Variants in DNAH5 observed in about 807,000 individuals in gnomAD.
The protein encoded by DNAH5 is axonemal beta dynein heavy chain 5.
DNAH5 carries 372 observed loss-of-function variants against 518.2 expected under a neutral mutation model. The ratio of observed to expected loss-of-function variants is 0.72; its 90% confidence interval spans 0.66 to 0.78. The LOEUF is 0.78. Ranked by LOEUF, DNAH5 falls within the 30% of genes least tolerant of loss-of-function variation. The pLI, the probability that DNAH5 is intolerant of heterozygous loss-of-function variation, is 0.00. For synonymous variants in DNAH5, 2,039 were observed against 2,025.9 expected (o/e 1.01, Z -0.17); for missense variants, 5,523 against 5,687.0 (o/e 0.97, Z 0.93).
At chr5:13,712,262 A>G (rs116586528) in intron 75 of DNAH5, among the ~76,000 whole-genome samples, 4,657 of 152,282 alleles carry the variant, frequency 0.031, 219 homozygotes, top group African/African-American at 0.099. Flanking sequence ...TAATTGGCTA[A>G]CCACATGTAT....
chr5:13,971,832 C>A (rs1038898782), intron 1 of DNAH5, among the ~76,000 whole-genome samples: 2 of 152,108 alleles, frequency 1.3e-5, no homozygotes, highest in Non-Finnish European at 2.9e-5. Flanking sequence ...TCTAGGGTCA[C>A]CTGGATATGT....
At chr5:13,780,739 A>G (rs1754979238) in intron 53 of DNAH5, 90 bp downstream of exon 53, 1 of 1,398,010 alleles carries the variant, frequency 7.2e-7, no homozygotes, top group Non-Finnish European at 1.0e-6. Flanking sequence ...GACTCTTTAT[A>G]TGTAAGAGAA....
At chr5:13,870,228 T>C (rs968093999) in intron 24 of DNAH5, among the ~76,000 whole-genome samples, 2 of 152,098 alleles carry the variant, frequency 1.3e-5, no homozygotes, top group East Asian at 3.9e-4. Context: ...CCCATCCAGG[T>C]CCCGATTACC....
At chr5:13,775,712 G>C (rs1230939663) in intron 55 of DNAH5, among the ~76,000 whole-genome samples, 1 of 152,082 alleles carries the variant, frequency 6.6e-6, no homozygotes, top group Non-Finnish European at 1.5e-5. Flanking sequence ...AATGGTGAGG[G>C]CAGTAGAAGT....
At chr5:13,926,590 T>C (rs546804088) in intron 3 of DNAH5, among the ~76,000 whole-genome samples, 1 of 152,344 alleles carries the variant, frequency 6.6e-6, no homozygotes, top group East Asian at 1.9e-4. Context: ...TTTTGCTTTT[T>C]GAGTTAAGGT....
intron 1 of DNAH5, among the ~76,000 whole-genome samples, chr5:13,993,750 C>A (rs1432254548): frequency 6.6e-6 from 1 of 152,140 alleles, no homozygotes; most frequent in Non-Finnish European, 1.5e-5. Flanking sequence ...ACAGACGTGC[C>A]CCACGCAATG....
intron 75 of DNAH5, among the ~76,000 whole-genome samples, chr5:13,710,567 G>A (rs1218354521): frequency 2.0e-5 from 3 of 151,956 alleles, no homozygotes; most frequent in Non-Finnish European, 4.4e-5. Context: ...TCTTTGAAAA[G>A]AAACAAAAAG....
chr5:13,939,632 G>T lies in DNAH5; in HGVS notation c.57+4750C>A, dbSNP rs114960188. On this transcript the variant is annotated intron_variant, in intron 1 of 78. Transcript: ENST00000265104. ...TCTCTCAGAGAGAAGAGGCTGCTCT[G>T]TGATGCTTCCCAGCCCAGCCTAACC... 8.5e-3 allele frequency among the ~76,000 whole-genome samples: 1,298 copies of T among 152,186 alleles called. 19 individuals are homozygous for T. Among genetic ancestry groups the T allele is most frequent in the African/African-American group, 0.03 (1,252 of 41,522 alleles).
In DNAH5 at chr5:13,751,203, T is replaced by C. The variant is rs949456257; in HGVS notation, c.11086A>G (p.Thr3696Ala). The change falls in exon 65 of 79, where the codon ACC (threonine) becomes GCC (alanine). Residue 3696 changes from threonine (T) to alanine (A), a missense_variant. Physicochemically the swap from Thr to Ala is moderately conservative, Grantham distance 58. Around this residue, in one of 3 missense-constraint regions of DNAH5, gnomAD observed 5,121 missense variants for 5,223.3 expected, o/e 0.98. Transcript: ENST00000265104. ...VLDGFRLYITTKLPNPAYTPE... is the reference protein window; with the variant it reads ...VLDGFRLYITAKLPNPAYTPE... The stretch of plus-strand genomic sequence containing the variant: ...GTGTAGGCTGGGTTAGGCAATTTGG[T>C]GGTAATGTAGAGTCTAAAGCCATCC... The C allele has an allele frequency of 6.2e-7, 1 of 1,613,884 alleles. No individual in the cohort carries two copies. Among genetic ancestry groups the C allele is most frequent in the Non-Finnish European group, 8.5e-7 (1 of 1,179,908 alleles).
intron 1 of DNAH5, among the ~76,000 whole-genome samples, chr5:13,958,170 T>C (rs1044701267): frequency 6.6e-6 from 1 of 151,940 alleles, no homozygotes; most frequent in African/African-American, 2.4e-5. Flanking sequence ...ATAATGGATA[T>C]CCCTGCATAC....
intron 61 of DNAH5, among the ~76,000 whole-genome samples, chr5:13,755,548 G>T (rs1750882282): frequency 6.6e-6 from 1 of 152,172 alleles, no homozygotes; most frequent in Non-Finnish European, 1.5e-5. Context: ...TTTGTATAGA[G>T]ACATGAATTG....
chr5:14,000,871 T>C (rs970823661), intron 1 of DNAH5, among the ~76,000 whole-genome samples: 5 of 152,126 alleles, frequency 3.3e-5, no homozygotes, highest in African/African-American at 9.7e-5. Context: ...GGATTCACAA[T>C]AGCAAAGACA....
chr5:13,830,187 A>G lies in DNAH5; in HGVS notation c.6088T>C (p.Cys2030Arg), dbSNP rs1763453207. 6.2e-7 allele frequency: 1 copy of G among 1,614,128 alleles called. No individual in the cohort carries two copies. The highest frequency in any genetic ancestry group is 1.3e-5 in the African/African-American group (1 of 75,036). ...KGLAQSGSWG[C>R]FDEFNRIDLP... ...TCAATACGGTTAAATTCATCAAAAC[A>G]ACCCCAGGATCCAGACTGTGCCAGT... The change falls in exon 37 of 79, where the codon TGT becomes CGT. Residue 2030 changes from cysteine (C) to arginine (R), a missense_variant. Physicochemically the swap from Cys to Arg is radical, Grantham distance 180. This residue lies in a region of DNAH5 where 5,121 missense variants were observed against 5,223.3 expected (regional missense o/e 0.98). Coordinates refer to ENST00000265104, the MANE Select transcript of DNAH5 (RefSeq NM_001369.3).
At chr5:13,914,381 A>T in intron 10 of DNAH5, 139 bp downstream of exon 10, 2 of 1,090,046 alleles carry the variant, frequency 1.8e-6, no homozygotes, top group Non-Finnish European at 2.6e-6. Context: ...AGGTATATTA[A>T]CATTCCATTT....
chr5:13,692,794 C>T (rs1740876396), intron 78 of DNAH5, among the ~76,000 whole-genome samples: 1 of 152,194 alleles, frequency 6.6e-6, no homozygotes, highest in South Asian at 2.1e-4. Flanking sequence ...GTATGTCCAT[C>T]CTTCAGAGAT....
Position 13,882,904 on chromosome 5 carries a change from C to T in DNAH5, c.3174G>A (p.Lys1058=), listed in dbSNP as rs777068786. Residue 1058 remains lysine (K), a splice_region_variant and synonymous_variant, in exon 20 of 79, where the codon AAG becomes AAA. Transcript: ENST00000265104. Reference sequence around the variant, plus strand: ...AACCATTTCTGCACCCCATACCCACCTTGGACAACAGTTCACTGCTCCACT... The same window carrying T: ...AACCATTTCTGCACCCCATACCCACTTTGGACAACAGTTCACTGCTCCACT... The part of the protein sequence containing the change: ...VRQWSSELLS[K]KKIQERKMAA... 4 of 1,614,134 alleles carry T rather than the reference C, an allele frequency of 2.5e-6. No individual in the cohort carries two copies. Among genetic ancestry groups the T allele is most frequent in the Non-Finnish European group, 3.4e-6 (4 of 1,180,018 alleles).
intron 70 of DNAH5, among the ~76,000 whole-genome samples, chr5:13,723,532 G>A (rs1325196842): frequency 6.6e-6 from 1 of 152,214 alleles, no homozygotes; most frequent in Non-Finnish European, 1.5e-5. Context: ...GAGCTAACAT[G>A]TTAGAATACT....
At chr5:13,890,393 C>A (rs1440357255) in intron 17 of DNAH5, among the ~76,000 whole-genome samples, 1 of 133,892 alleles carries the variant, frequency 7.5e-6, no homozygotes, top group Admixed American at 7.9e-5. Context: ...GGCAACAGAG[C>A]AAGACTCCAT....
intron 1 of DNAH5, among the ~76,000 whole-genome samples, chr5:13,951,716 C>T (rs1780428781): frequency 6.6e-6 from 1 of 152,200 alleles, no homozygotes; most frequent in South Asian, 2.1e-4. Context: ...AACAGACACA[C>T]ACCACCCTGC....
Sources: allele counts gnomAD v4.1 joint callset (sites outside exome capture counted in the v4.1 genomes callset), GRCh38; gene constraint gnomAD v4.1.1; regional missense constraint gnomAD v4.1.1; transcripts MANE v1.5; gene names NCBI Gene and HGNC (gene_info 2026-07-23, HGNC 2026-07-21).